The following TAFA4 variants were observed in gnomAD, a reference collection of about 807,000 sequenced individuals.
TAFA4 encodes chemokine-like protein TAFA-4.
Under a neutral mutation model 21.1 loss-of-function variants are expected in TAFA4, and 20 were observed. That is an observed-to-expected ratio of 0.95 (90% CI 0.67 to 1.38). The LOEUF is 1.38. Among genes scored for constraint, TAFA4 ranks in the 40% most tolerant of loss-of-function variants. The pLI is 0.00. For synonymous variants in TAFA4, 71 were observed against 67.4 expected (o/e 1.05, Z -0.26); for missense variants, 211 against 180.9 (o/e 1.17, Z -0.95).
intron 3 of TAFA4, among the ~76,000 whole-genome samples, chr3:68,840,950 C>T (rs1704648166): frequency 6.6e-6 from 1 of 152,178 alleles, no homozygotes; most frequent in Admixed American, 6.6e-5. Context: ...ACATTCTGTA[C>T]CTCTGCTACC....
chr3:68,796,422 T>C (rs1703454759), intron 3 of TAFA4, among the ~76,000 whole-genome samples: 2 of 152,262 alleles, frequency 1.3e-5, no homozygotes, highest in African/African-American at 4.8e-5. Flanking sequence ...ACTATAAATA[T>C]ACTGGAATTA....
chr3:68,820,175 A>G (rs1477627800), intron 3 of TAFA4, among the ~76,000 whole-genome samples: 1 of 152,222 alleles, frequency 6.6e-6, no homozygotes, highest in Admixed American at 6.5e-5. Flanking sequence ...AAGTGAAGTA[A>G]GTCAGGCGCA....
chr3:68,805,811 G>T (rs573087988), intron 3 of TAFA4, among the ~76,000 whole-genome samples: 40 of 152,068 alleles, frequency 2.6e-4, no homozygotes, highest in Non-Finnish European at 4.3e-4. Context: ...GTTGTGGGGT[G>T]GGGGGAGGAG....
chr3:68,831,635 C>A (rs143078773), intron 3 of TAFA4, among the ~76,000 whole-genome samples: 1 of 152,242 alleles, frequency 6.6e-6, no homozygotes, highest in Non-Finnish European at 1.5e-5. Context: ...TCATTTCAAC[C>A]TTGGTGAATC....
chr3:68,760,453 T>C (rs1390183583), intron 3 of TAFA4, among the ~76,000 whole-genome samples: 1 of 152,186 alleles, frequency 6.6e-6, no homozygotes, highest in Non-Finnish European at 1.5e-5. Context: ...AGGGAGACTT[T>C]CTTTATGCTA....
At chr3:68,742,668 A>G (rs1189189724) in intron 4 of TAFA4, among the ~76,000 whole-genome samples, 1 of 152,194 alleles carries the variant, frequency 6.6e-6, no homozygotes, top group Non-Finnish European at 1.5e-5. Flanking sequence ...AATTACCACT[A>G]AAGAACTTAC....
intron 1 of TAFA4, among the ~76,000 whole-genome samples, chr3:68,930,049 T>C (rs1055014046): frequency 6.6e-6 from 1 of 152,114 alleles, no homozygotes; most frequent in African/African-American, 2.4e-5. Context: ...TAACAATAAA[T>C]GAGTGGTGCA....
chr3:68,794,844 G>C (rs996085598), intron 3 of TAFA4, among the ~76,000 whole-genome samples: 2 of 151,352 alleles, frequency 1.3e-5, no homozygotes, highest in Admixed American at 1.3e-4. Context: ...CTAATGCAGA[G>C]AGATAAGTCA....
rs59878536 is a variant in TAFA4, at chr3:68,866,651, T to TAA, written c.130+14077_130+14078dup. ...GATCAAGGATTCAAAATAGCAGTTC[T>TAA]AAAAAAAAAAAAAAAAAAAAAAAAA... On this transcript the variant is annotated intron_variant, in intron 3 of 5. Transcript: ENST00000295569. Among the ~76,000 whole-genome samples, 110 of 12,402 alleles carry TAA rather than the reference T, an allele frequency of 8.9e-3. 4 individuals are homozygous for TAA. Among genetic ancestry groups the TAA allele is most frequent in the South Asian group, 0.014 (2 of 142 alleles). The allele number at this position is 12,402 out of a possible 152,430, so 8.1% of individuals were successfully genotyped here. A position where few individuals can be genotyped will look rare whatever the true frequency, so the allele number is the denominator to read the frequency against.
intron 3 of TAFA4, among the ~76,000 whole-genome samples, chr3:68,785,502 G>T (rs113574750): frequency 0.11 from 16,673 of 152,282 alleles, 1,334 homozygotes; most frequent in African/African-American, 0.22. Context: ...ATGGAGCACA[G>T]CAGCTGCTGG....
At chr3:68,931,088 G>A (rs1357677858) in intron 1 of TAFA4, among the ~76,000 whole-genome samples, 1 of 152,176 alleles carries the variant, frequency 6.6e-6, no homozygotes, top group East Asian at 1.9e-4. Flanking sequence ...TGGCAGCTAC[G>A]AGTTATGGTG....
intron 3 of TAFA4, among the ~76,000 whole-genome samples, chr3:68,837,810 A>G (rs941136158): frequency 6.6e-6 from 1 of 152,124 alleles, no homozygotes; most frequent in Non-Finnish European, 1.5e-5. Flanking sequence ...TTTGTCAGCA[A>G]TAGTTTATAT....
intron 3 of TAFA4, among the ~76,000 whole-genome samples, chr3:68,861,865 A>G (rs1379627695): frequency 6.6e-6 from 1 of 152,082 alleles, no homozygotes; most frequent in Non-Finnish European, 1.5e-5. Context: ...TGGGTAATGG[A>G]CATGTGATTT....
intron 5 of TAFA4, among the ~76,000 whole-genome samples, chr3:68,735,248 T>C (rs139395173): frequency 4.5e-4 from 68 of 152,230 alleles, no homozygotes; most frequent in African/African-American, 1.4e-3. Flanking sequence ...GCCTGTACAA[T>C]GATTGGCAGT....
In TAFA4 at chr3:68,846,596, C is replaced by T. The variant is rs369312763; in HGVS notation, c.130+34134G>A. On this transcript the variant is annotated intron_variant, in intron 3 of 5. Transcript: ENST00000295569. ...TTGTGATCCTTTGAAAGAGAAGAGG[C>T]ATTCTGGTTTTTGGAATTTTCAGCC... Among the ~76,000 whole-genome samples the T allele has an allele frequency of 4.6e-5, 7 of 152,210 alleles. No individual in the cohort carries two copies. The South Asian group carries it at 1.5e-3, about 32-fold the overall frequency.
At chr3:68,921,603 C>T (rs1478187487) in intron 1 of TAFA4, among the ~76,000 whole-genome samples, 8 of 152,192 alleles carry the variant, frequency 5.3e-5, no homozygotes, top group African/African-American at 1.9e-4. Flanking sequence ...TCTACAACTC[C>T]ATCTTCTGGT....
intron 3 of TAFA4, among the ~76,000 whole-genome samples, chr3:68,873,134 C>G (rs2089502394): frequency 6.6e-6 from 1 of 151,930 alleles, no homozygotes; most frequent in Non-Finnish European, 1.5e-5. Context: ...TAGAAACAAT[C>G]CAGGTTCTGA....
At chr3:68,741,673 C>G (rs1473669205) in intron 4 of TAFA4, among the ~76,000 whole-genome samples, 1 of 151,924 alleles carries the variant, frequency 6.6e-6, no homozygotes, top group Non-Finnish European at 1.5e-5. Flanking sequence ...TGCTTGTAGT[C>G]CCAAGCTACT....
At chr3:68,766,073 G>C (rs1331733009) in intron 3 of TAFA4, among the ~76,000 whole-genome samples, 1 of 151,900 alleles carries the variant, frequency 6.6e-6, no homozygotes, top group African/African-American at 2.4e-5. Context: ...ACTAGAGAAT[G>C]GAGAAACAAT....
Sources: allele counts gnomAD v4.1 joint callset (sites outside exome capture counted in the v4.1 genomes callset), GRCh38; gene constraint gnomAD v4.1.1; transcripts MANE v1.5; gene names NCBI Gene and HGNC (gene_info 2026-07-23, HGNC 2026-07-21).